Variants in RNF216 observed in about 807,000 individuals in gnomAD.
RNF216 encodes E3 ubiquitin-protein ligase RNF216.
A neutral mutation model predicts 110.8 loss-of-function variants in RNF216; 72 were observed. That is an observed-to-expected ratio of 0.65 (90% confidence interval 0.54 to 0.79). The LOEUF is 0.79. RNF216 is among the 30% of genes least tolerant of loss of function. RNF216 has a pLI of 0.00. For synonymous variants in RNF216, 495 were observed against 407.5 expected, an observed-to-expected ratio of 1.21 and a Z score of -2.59; for missense variants, 1,342 against 1,141.2, an observed-to-expected ratio of 1.18 and a Z score of -2.54.
intron 1 of RNF216, among the ~76,000 whole-genome samples, chr7:5,773,881 A>AT (rs1461286779): frequency 1.3e-5 from 2 of 152,072 alleles, no homozygotes; most frequent in Admixed American, 6.6e-5. Flanking sequence ...CAAATTTCTT[A>AT]TTTTTTCTTT....
chr7:5,740,548 G>C (rs1053482738), intron 4 of RNF216, among the ~76,000 whole-genome samples: 1 of 152,176 alleles, frequency 6.6e-6, no homozygotes, highest in African/African-American at 2.4e-5. Context: ...AGATGTGACT[G>C]ATGCCACTGG....
At chr7:5,745,525 C>T (rs553841158) in intron 3 of RNF216, among the ~76,000 whole-genome samples, 1 of 152,238 alleles carries the variant, frequency 6.6e-6, no homozygotes, top group East Asian at 1.9e-4. Context: ...AGATCAGATG[C>T]ACGTTTTCAA....
intron 15 of RNF216, among the ~76,000 whole-genome samples, chr7:5,639,550 G>A (rs1350050737): frequency 6.6e-6 from 1 of 151,748 alleles, no homozygotes; most frequent in African/African-American, 2.4e-5. Context: ...TGCAACCTCC[G>A]CCTCCTGGGT....
chr7:5,741,660 A>G lies in RNF216; in HGVS notation c.357T>C (p.Phe119=). 6.2e-7 allele frequency: 1 copy of G among 1,614,196 alleles called. No individual in the cohort carries two copies. Among genetic ancestry groups the G allele is most frequent in the Non-Finnish European group, 8.5e-7 (1 of 1,180,034 alleles). The part of the protein sequence containing the change: ...SYFSVCNNPL[F]DSGAQDDSED... ...CAGAATCATCCTGTGCCCCAGAATCAAACAATGGGTTGTTACACACTGAAA... is the reference window on the plus strand; with the variant it reads ...CAGAATCATCCTGTGCCCCAGAATCGAACAATGGGTTGTTACACACTGAAA... The change falls in exon 4 of 17, where the codon TTT becomes TTC. Residue 119 remains phenylalanine, a synonymous_variant. Coordinates refer to ENST00000389902, the MANE Select transcript of RNF216 (RefSeq NM_207111.4).
chr7:5,685,618 G>A (rs1422161767), intron 13 of RNF216, among the ~76,000 whole-genome samples: 1 of 152,186 alleles, frequency 6.6e-6, no homozygotes, highest in Non-Finnish European at 1.5e-5. Context: ...TGAGAGGGGA[G>A]GGGGCATAGT....
intron 13 of RNF216, among the ~76,000 whole-genome samples, chr7:5,670,845 A>G (rs1040948887): frequency 6.6e-6 from 1 of 152,196 alleles, no homozygotes; most frequent in Admixed American, 6.5e-5. Context: ...TGGTGGCCAT[A>G]TAAGGAGGCC....
intron 13 of RNF216, among the ~76,000 whole-genome samples, chr7:5,705,528 C>A (rs556705378): frequency 2.6e-5 from 4 of 152,172 alleles, no homozygotes; most frequent in African/African-American, 9.7e-5. Context: ...CAAACTCAAA[C>A]CTCAGTAGTT....
At chr7:5,774,056 A>G (rs1346490533) in intron 1 of RNF216, among the ~76,000 whole-genome samples, 1 of 152,116 alleles carries the variant, frequency 6.6e-6, no homozygotes, top group East Asian at 1.9e-4. Context: ...AACCTGTGAG[A>G]AGAAAAGAAT....
chr7:5,683,819 A>C (rs186578700), intron 13 of RNF216, among the ~76,000 whole-genome samples: 1 of 152,324 alleles, frequency 6.6e-6, no homozygotes, highest in Admixed American at 6.5e-5. Context: ...TAAAAGTGCA[A>C]GATAAGCCCA....
chr7:5,623,593 T>C (rs1462953948), intron 16 of RNF216, among the ~76,000 whole-genome samples: 1 of 151,982 alleles, frequency 6.6e-6, no homozygotes, highest in African/African-American at 2.4e-5. Flanking sequence ...GCCACTGCAC[T>C]TAGCCTCTTT....
At chr7:5,770,155 A>T (rs113827012) in intron 1 of RNF216, among the ~76,000 whole-genome samples, 3,542 of 151,700 alleles carry the variant, frequency 0.023, 130 homozygotes, top group African/African-American at 0.081. Context: ...AAGGCCAGCG[A>T]AACCCCATCA....
intron 15 of RNF216, among the ~76,000 whole-genome samples, chr7:5,633,437 T>G (rs962978012): frequency 2.0e-5 from 3 of 152,014 alleles, no homozygotes; most frequent in Non-Finnish European, 4.4e-5. Flanking sequence ...TAGCTGGGCC[T>G]GGTGGCGTGC....
chr7:5,709,641 TGTG>T (rs1369570632), intron 13 of RNF216, among the ~76,000 whole-genome samples: 1 of 152,186 alleles, frequency 6.6e-6, no homozygotes, highest in Non-Finnish European at 1.5e-5. Flanking sequence ...CAAAAACATA[TGTG>T]GTGTTCCTAT....
rs1039654060 is a variant in RNF216, at chr7:5,751,905, G to C, written c.201+941C>G. Among the ~76,000 whole-genome samples, 6 of 149,524 alleles carry C rather than the reference G, an allele frequency of 4.0e-5. No individual in the cohort carries two copies. In the East Asian group the frequency reaches 1.2e-3, roughly 29 times the overall value. On this transcript the variant is annotated intron_variant, in intron 3 of 16. Transcript: ENST00000389902. ...AAACAGTTTAAAAAGTACAATGAAA[G>C]GGCCAGGCATAGTGGCTCACGCCTA...
At chr7:5,635,569 C>T (rs1432222569) in intron 15 of RNF216, among the ~76,000 whole-genome samples, 1 of 152,164 alleles carries the variant, frequency 6.6e-6, no homozygotes, top group Non-Finnish European at 1.5e-5. Flanking sequence ...ATGTCCTTTC[C>T]CCTGCCGCTT....
chr7:5,699,879 C>A (rs554325704), intron 13 of RNF216, among the ~76,000 whole-genome samples: 1 of 152,208 alleles, frequency 6.6e-6, no homozygotes, highest in African/African-American at 2.4e-5. Context: ...TATTCTTTAT[C>A]TTTGTCTCAA....
chr7:5,694,969 A>G (rs1461162880), intron 13 of RNF216, among the ~76,000 whole-genome samples: 1 of 152,234 alleles, frequency 6.6e-6, no homozygotes, highest in Admixed American at 6.5e-5. Flanking sequence ...AAATCCACCA[A>G]CTAAGAACTG....
intron 3 of RNF216, among the ~76,000 whole-genome samples, chr7:5,748,088 C>T (rs940355860): frequency 4.6e-5 from 7 of 152,166 alleles, no homozygotes; most frequent in African/African-American, 1.7e-4. Flanking sequence ...AGGCAAATAT[C>T]AGACCCCTCC....
At chr7:5,626,264 A>G (rs1169797377) in intron 15 of RNF216, among the ~76,000 whole-genome samples, 1 of 152,190 alleles carries the variant, frequency 6.6e-6, no homozygotes. Flanking sequence ...AAGTGAGTCA[A>G]CATGAAGGAC....
Sources: allele counts gnomAD v4.1 joint callset (sites outside exome capture counted in the v4.1 genomes callset), GRCh38; gene constraint gnomAD v4.1.1; transcripts MANE v1.5; gene names NCBI Gene and HGNC (gene_info 2026-07-23, HGNC 2026-07-21).